MAD1L1: variants seen among roughly 807,000 people sequenced by gnomAD.
The protein encoded by MAD1L1 is mitotic arrest deficient 1 like 1.
Under a neutral mutation model 96.9 loss-of-function variants are expected in MAD1L1, and 95 were observed. That is an observed-to-expected ratio of 0.98 (90% CI 0.83 to 1.16). The LOEUF is 1.16. Ranked by LOEUF, MAD1L1 falls within the 50% of genes most tolerant of loss-of-function variation. MAD1L1 has a pLI of 0.00. For missense variants in MAD1L1, 1,007 were observed against 954.4 expected (o/e 1.06, Z -0.73); for synonymous variants, 473 against 396.6 (o/e 1.19, Z -2.29).
chr7:1,894,137 G>A (rs567458293), intron 18 of MAD1L1, among the ~76,000 whole-genome samples: 1 of 152,306 alleles, frequency 6.6e-6, no homozygotes, highest in East Asian at 1.9e-4. Context: ...AAGGAGGCAG[G>A]AATGACAGGT....
chr7:2,003,641 C>T (rs528582234), intron 13 of MAD1L1, among the ~76,000 whole-genome samples: 1 of 152,088 alleles, frequency 6.6e-6, no homozygotes, highest in Non-Finnish European at 1.5e-5. Flanking sequence ...GTGGGGCCAC[C>T]GGAGGGACCC....
At chr7:2,082,739 T>G (rs954554987) in intron 11 of MAD1L1, among the ~76,000 whole-genome samples, 3 of 152,210 alleles carry the variant, frequency 2.0e-5, no homozygotes, top group African/African-American at 7.2e-5. Context: ...ATAGCCCAAT[T>G]AGCAGCTCTG....
At chr7:2,039,820 T>C (rs1261669199) in intron 12 of MAD1L1, among the ~76,000 whole-genome samples, 2 of 152,162 alleles carry the variant, frequency 1.3e-5, no homozygotes, top group African/African-American at 4.8e-5. Context: ...CCTTGTCTTT[T>C]CATCTCTTCA....
intron 11 of MAD1L1, among the ~76,000 whole-genome samples, chr7:2,082,051 G>A (rs1047370935): frequency 1.3e-5 from 2 of 152,154 alleles, no homozygotes; most frequent in Non-Finnish European, 2.9e-5. Context: ...GTGACAAGAA[G>A]AGATGTCAAA....
At chr7:1,947,993 G>A (rs769387568) in intron 16 of MAD1L1, among the ~76,000 whole-genome samples, 1 of 152,230 alleles carries the variant, frequency 6.6e-6, no homozygotes, top group Non-Finnish European at 1.5e-5. Context: ...AGGCCATGCT[G>A]CTGTCCGTGA....
chr7:2,032,085 C>T (rs1006445861), intron 12 of MAD1L1, among the ~76,000 whole-genome samples: 1 of 152,262 alleles, frequency 6.6e-6, no homozygotes, highest in East Asian at 1.9e-4. Context: ...GCCAGGCACA[C>T]TCCGGGCCTT....
intron 10 of MAD1L1, among the ~76,000 whole-genome samples, chr7:2,204,408 C>T (rs767231812): frequency 5.3e-5 from 8 of 152,166 alleles, no homozygotes; most frequent in African/African-American, 1.2e-4. Flanking sequence ...TACACCTGTG[C>T]GGCGATCACA....
intron 12 of MAD1L1, among the ~76,000 whole-genome samples, chr7:2,038,486 T>C (rs536550736): frequency 2.1e-4 from 30 of 143,026 alleles, no homozygotes; most frequent in South Asian, 4.7e-4. Flanking sequence ...TAGGAGATAA[T>C]GAAGCTGATG....
chr7:2,161,965 C>A (rs1431695394), intron 10 of MAD1L1, among the ~76,000 whole-genome samples: 1 of 143,872 alleles, frequency 7.0e-6, no homozygotes, highest in Non-Finnish European at 1.5e-5. Flanking sequence ...CCACCCCGTC[C>A]GGGAGGTGGG....
chr7:2,014,585 C>G lies in MAD1L1; in HGVS notation c.1276G>C (p.Glu426Gln), dbSNP rs769563683. 6.2e-7 allele frequency: 1 copy of G among 1,612,344 alleles called. No homozygotes were observed. ...GSYDSELTPA[E>Q]YSPQLTRRMR... ...CGCCGCGTCAGCTGGGGTGAGTACT[C>G]GGCCGGGGTCAGCTCGCTGTCGTAG... is the stretch of plus-strand genomic sequence containing the variant. Residue 426 changes from glutamate (E) to glutamine (Q), a missense_variant, in exon 13 of 19, where the codon GAG becomes CAG. Glu to Gln is a conservative substitution (Grantham distance 29). Coordinates refer to ENST00000265854, the MANE Select transcript of MAD1L1 (RefSeq NM_001013836.2).
At chr7:2,004,297 C>A (rs990298468) in intron 13 of MAD1L1, among the ~76,000 whole-genome samples, 2 of 152,180 alleles carry the variant, frequency 1.3e-5, no homozygotes, top group African/African-American at 4.8e-5. Flanking sequence ...GCGAGATGCA[C>A]CCGTTAGAGC....
intron 3 of MAD1L1, among the ~76,000 whole-genome samples, chr7:2,228,094 C>T (rs1014738068): frequency 6.6e-6 from 1 of 152,062 alleles, no homozygotes; most frequent in Non-Finnish European, 1.5e-5. Flanking sequence ...CTGGTCTTGC[C>T]GCCATCACTC....
intron 10 of MAD1L1, among the ~76,000 whole-genome samples, chr7:2,210,946 G>A (rs890272437): frequency 1.3e-5 from 2 of 152,234 alleles, no homozygotes; most frequent in African/African-American, 4.8e-5. Flanking sequence ...CGCAGTTGGG[G>A]AGAAGAGCTC....
At chr7:2,120,979 G>A (rs965871902) in intron 11 of MAD1L1, among the ~76,000 whole-genome samples, 2 of 152,222 alleles carry the variant, frequency 1.3e-5, no homozygotes, top group African/African-American at 2.4e-5. Flanking sequence ...AAGGAAGACA[G>A]GCGGCTGCCA....
At chr7:1,874,440 C>T (rs879373185) in intron 18 of MAD1L1, 13 of 439,676 alleles carry the variant, frequency 3.0e-5, no homozygotes, top group Middle Eastern at 5.2e-4. Flanking sequence ...TAGCACCCGC[C>T]GTGGCCAGGG....
At chr7:2,226,270 T>C (rs891006065) in intron 3 of MAD1L1, among the ~76,000 whole-genome samples, 6 of 152,210 alleles carry the variant, frequency 3.9e-5, no homozygotes, top group African/African-American at 7.2e-5. Context: ...CTACTCAGTA[T>C]TGGACTGAAA....
intron 18 of MAD1L1, among the ~76,000 whole-genome samples, chr7:1,822,981 A>G (rs976490838): frequency 6.6e-6 from 1 of 152,064 alleles, no homozygotes; most frequent in Non-Finnish European, 1.5e-5. Flanking sequence ...ACTTTCTAAC[A>G]GAGAATATTA....
chr7:1,818,159 T>C (rs537653663), intron 18 of MAD1L1, among the ~76,000 whole-genome samples: 206 of 152,218 alleles, frequency 1.4e-3, no homozygotes, highest in Non-Finnish European at 2.0e-3. Context: ...TCAGAGGGGC[T>C]GATTCTCCTG....
At position 1,968,547 on chromosome 7, in the gene MAD1L1, A is replaced by G. The variant is rs908919963; in HGVS notation, c.1506-10828T>C. On this transcript the variant is annotated intron_variant, in intron 15 of 18. Coordinates refer to ENST00000265854, the MANE Select transcript of MAD1L1 (RefSeq NM_001013836.2). This position sits in a 1 kb window ranked among gnomAD's most constrained non-coding sequence, Gnocchi z 5.6. ...ACCGTCAATGCCAGCGGTCATGTCC[A>G]CCATCAACGCCTCAGTCCAGCGGTC... 1.4e-5 allele frequency among the ~76,000 whole-genome samples: 2 copies of G among 140,760 alleles called. No homozygotes were observed. Among genetic ancestry groups the G allele is most frequent in the Non-Finnish European group, 3.1e-5 (2 of 65,126 alleles). The allele number at this position is 140,760 out of a possible 152,430, so 92.3% of individuals were successfully genotyped here.
Sources: allele counts gnomAD v4.1 joint callset (sites outside exome capture counted in the v4.1 genomes callset), GRCh38; gene constraint gnomAD v4.1.1; non-coding constraint Gnocchi (gnomAD v3.1); transcripts MANE v1.5; gene names NCBI Gene and HGNC (gene_info 2026-07-23, HGNC 2026-07-21).